TGIF2: variants seen among roughly 807,000 people sequenced by gnomAD.
TGIF2 encodes the protein homeobox protein TGIF2.
Under a neutral mutation model 15.1 loss-of-function variants are expected in TGIF2, and 5 were observed. The observed-to-expected ratio is 0.33, with a 90% CI of 0.17 to 0.70. The LOEUF (loss-of-function observed/expected upper bound fraction) is 0.70. TGIF2 is among the 30% of genes least tolerant of loss of function. TGIF2 has a pLI of 0.67. For synonymous variants in TGIF2, 131 were observed against 128.9 expected, an observed-to-expected ratio of 1.02 and a Z score of -0.11; for missense variants, 264 against 302.5, an observed-to-expected ratio of 0.87 and a Z score of 0.94.
chr20:36,587,235 AACAG>A (rs1486583620), intron 2 of TGIF2, among the ~76,000 whole-genome samples: 1 of 152,172 alleles, frequency 6.6e-6, no homozygotes, highest in African/African-American at 2.4e-5. Flanking sequence ...AAGAAGACAA[AACAG>A]ACAGATGCTA....
At chr20:36,576,279 G>T (rs1400374312) in intron 1 of TGIF2, among the ~76,000 whole-genome samples, 1 of 152,122 alleles carries the variant, frequency 6.6e-6, no homozygotes, top group Non-Finnish European at 1.5e-5. Context: ...CCAAGTGGAG[G>T]GTGGGCCTTG....
At position 36,592,869 on chromosome 20, in the gene TGIF2, G is replaced by C. The variant is rs2038791768; in HGVS notation, c.*1438G>C. 1 of 152,664 alleles carries C rather than the reference G, an allele frequency of 6.6e-6. No homozygotes were observed. The highest frequency in any genetic ancestry group is 1.5e-5 in the Non-Finnish European group (1 of 68,472). The allele number at this position is 152,664 out of a possible 1,614,324, so 9.5% of individuals were successfully genotyped here. A position where few individuals can be genotyped will look rare whatever the true frequency, so the allele number is the denominator to read the frequency against. ...GAGTCATGCTCTGTCACCCGGGCTG[G>C]AGTGCAGTGGTGCGATCTCAGCTCA... is the stretch of plus-strand genomic sequence containing the variant. On this transcript the variant is annotated 3_prime_UTR_variant, in exon 3 of 3. Transcript: ENST00000373872.
Position 36,590,988 on chromosome 20 carries a change from T to C in TGIF2, c.271T>C (p.Phe91Leu). Residue 91 changes from phenylalanine (F) to leucine (L), a missense_variant, in exon 3 of 3, where the codon TTT becomes CTT. By Grantham distance (22) the Phe-to-Leu change is conservative. Transcript: ENST00000373872. ...LRKDGKDPNQ[F>L]TISRRGGKAS... ...GAAGGATGGCAAAGACCCTAATCAGTTTACCATTTCCCGCCGCGGGGGTAA... is the reference window on the plus strand; with the variant it reads ...GAAGGATGGCAAAGACCCTAATCAGCTTACCATTTCCCGCCGCGGGGGTAA... 1 of 1,583,374 alleles carries C rather than the reference T, an allele frequency of 6.3e-7. No homozygotes were observed. The highest frequency in any genetic ancestry group is 8.6e-7 in the Non-Finnish European group (1 of 1,160,194).
chr20:36,582,894 C>T (rs1421769216), intron 2 of TGIF2, among the ~76,000 whole-genome samples: 4 of 152,162 alleles, frequency 2.6e-5, no homozygotes, highest in Non-Finnish European at 4.4e-5. Flanking sequence ...TGTACAAATA[C>T]CCCTTAAATA....
intron 2 of TGIF2, among the ~76,000 whole-genome samples, chr20:36,588,322 C>CCTT (rs1388956550): frequency 6.8e-6 from 1 of 147,040 alleles, no homozygotes; most frequent in African/African-American, 2.5e-5. Flanking sequence ...TTGTTCCCTT[C>CCTT]CTTCATCCCA....
intron 1 of TGIF2, among the ~76,000 whole-genome samples, chr20:36,575,003 CTGAT>C (rs1388756687): frequency 1.3e-5 from 2 of 151,958 alleles, no homozygotes; most frequent in Non-Finnish European, 2.9e-5. Context: ...GAGGGTAGAA[CTGAT>C]TGTTAGTGTG....
chr20:36,574,481 C>T (rs1346468724), intron 1 of TGIF2: 1 of 150,998 alleles, frequency 6.6e-6, no homozygotes, highest in African/African-American at 2.4e-5. Flanking sequence ...CCAGCCCCCT[C>T]CCCTCCCTTC....
At chr20:36,582,361 C>A (rs867883760) in intron 2 of TGIF2, among the ~76,000 whole-genome samples, 16 of 151,948 alleles carry the variant, frequency 1.1e-4, no homozygotes, top group South Asian at 2.1e-4. Flanking sequence ...AAAAAAAAAA[C>A]CACTTCTTTT....
chr20:36,588,717 C>T (rs943109272), intron 2 of TGIF2, among the ~76,000 whole-genome samples: 3 of 152,144 alleles, frequency 2.0e-5, no homozygotes, highest in Non-Finnish European at 4.4e-5. Context: ...AAGCTTCTGG[C>T]TCTGCCCTGC....
At chr20:36,578,612 C>A in intron 1 of TGIF2, 129 bp from the exon 2 acceptor site, 2 of 1,052,216 alleles carry the variant, frequency 1.9e-6, no homozygotes, top group Non-Finnish European at 2.7e-6. Flanking sequence ...TGTGTTACGG[C>A]CTGAGATTCT....
At chr20:36,587,919 A>G (rs1169500025) in intron 2 of TGIF2, among the ~76,000 whole-genome samples, 1 of 151,912 alleles carries the variant, frequency 6.6e-6, no homozygotes, top group African/African-American at 2.4e-5. Flanking sequence ...ACCAAAAAAA[A>G]AGTACCTGGG....
chr20:36,581,376 C>T (rs2038543477), intron 2 of TGIF2, among the ~76,000 whole-genome samples: 1 of 152,112 alleles, frequency 6.6e-6, no homozygotes, highest in South Asian at 2.1e-4. Flanking sequence ...CAGCCTTCAG[C>T]CTTCAGCCTT....
In TGIF2 at chr20:36,591,367, A is replaced by T; in HGVS notation, c.650A>T (p.Gln217Leu). The change falls in exon 3 of 3, where the codon CAG (glutamine) becomes CTG (leucine). Residue 217 changes from glutamine to leucine, a missense_variant. Coordinates refer to ENST00000373872, the MANE Select transcript of TGIF2 (RefSeq NM_021809.7). This position sits in a 1 kb window ranked among gnomAD's most constrained non-coding sequence, Gnocchi z 5.3. ...QRAAEMELQK[Q>L]QDPSLPLLHT... ...GCTGCTGAGATGGAGCTTCAGAAGC[A>T]GCAGGACCCATCACTCCCATTACTG... is the stretch of plus-strand genomic sequence containing the variant. The T allele has an allele frequency of 6.2e-7, 1 of 1,614,218 alleles. No homozygotes were observed. The highest frequency in any genetic ancestry group is 8.5e-7 in the Non-Finnish European group (1 of 1,180,040).
rs2038487810 is a variant in TGIF2 at position 36,578,918 on chromosome 20, G to A, written c.144G>A (p.Glu48=). ...YLHRYNAYPS[E]QEKLSLSGQT... is the part of the protein sequence containing the mutation. ...ACCGCTACAACGCCTACCCCTCAGA[G>A]CAGGAGAAGCTGAGCCTTTCTGGAC... Residue 48 remains glutamate (E), a synonymous_variant, in exon 2 of 3, where the codon GAG becomes GAA. Coordinates refer to ENST00000373872, the MANE Select transcript of TGIF2 (RefSeq NM_021809.7). 1.2e-6 allele frequency: 2 copies of A among 1,614,060 alleles called. No individual in the cohort carries two copies. Among genetic ancestry groups the A allele is most frequent in the Non-Finnish European group, 1.7e-6 (2 of 1,180,034 alleles).
intron 1 of TGIF2, among the ~76,000 whole-genome samples, chr20:36,574,399 C>T (rs1483204971): frequency 1.8e-5 from 1 of 55,680 alleles, no homozygotes; most frequent in African/African-American, 6.2e-5. Flanking sequence ...GCGTAGTCTC[C>T]GGGGCAGGGG....
chr20:36,577,806 G>T (rs2147922290), intron 1 of TGIF2, among the ~76,000 whole-genome samples: 1 of 152,244 alleles, frequency 6.6e-6, no homozygotes, highest in South Asian at 2.1e-4. Flanking sequence ...GAGCCACTGT[G>T]CCCGGCCTTT....
At chr20:36,584,343 G>C (rs1187726330) in intron 2 of TGIF2, among the ~76,000 whole-genome samples, 1 of 152,152 alleles carries the variant, frequency 6.6e-6, no homozygotes, top group African/African-American at 2.4e-5. Context: ...CACTGACCTA[G>C]TGTTCACAGT....
intron 2 of TGIF2, among the ~76,000 whole-genome samples, chr20:36,582,313 A>G (rs1600773845): frequency 2.0e-5 from 3 of 152,302 alleles, no homozygotes; most frequent in East Asian, 1.9e-4. Context: ...CATTTTTATC[A>G]TATCACTTAG....
rs2038802893 is a variant in TGIF2, at chr20:36,593,563, A to G, written c.*2132A>G. The G allele has an allele frequency of 6.6e-6, 1 of 152,668 alleles. No individual in the cohort carries two copies. The highest frequency in any genetic ancestry group is 2.1e-4 in the South Asian group (1 of 4,834). 9.5% of individuals were successfully genotyped at this position (152,668 alleles called of 1,614,324 possible). On this transcript the variant is annotated 3_prime_UTR_variant, in exon 3 of 3. Coordinates refer to ENST00000373872, the MANE Select transcript of TGIF2 (RefSeq NM_021809.7). ...TGAGGCCCAGTGGGGAAGAATGAACATGGCTTCATCCAGGTTAACTGATGC... is the reference window on the plus strand; with the variant it reads ...TGAGGCCCAGTGGGGAAGAATGAACGTGGCTTCATCCAGGTTAACTGATGC...
Sources: allele counts gnomAD v4.1 joint callset (sites outside exome capture counted in the v4.1 genomes callset), GRCh38; gene constraint gnomAD v4.1.1; non-coding constraint Gnocchi (gnomAD v3.1); transcripts MANE v1.5; gene names NCBI Gene and HGNC (gene_info 2026-07-23, HGNC 2026-07-21).